Variants in C10orf67 observed in about 807,000 individuals in gnomAD.
C10orf67 encodes chromosome 10 open reading frame 67, also known as uncharacterized protein C10orf67, mitochondrial.
In C10orf67, 60 loss-of-function variants were observed where a neutral mutation model predicts 35.6. The observed-to-expected ratio is 1.68, with a 90% CI of 1.37 to 2.09. The LOEUF is 2.09. C10orf67 is among the 30% of genes most tolerant of loss of function. The pLI is 0.00. For synonymous variants in C10orf67, 167 were observed against 115.8 expected (o/e 1.44, Z -2.84); for missense variants, 474 against 330.2 (o/e 1.44, Z -3.38).
At chr10:23,306,135 T>C (rs1844267330) in intron 4 of C10orf67, among the ~76,000 whole-genome samples, 1 of 152,208 alleles carries the variant, frequency 6.6e-6, no homozygotes, top group Non-Finnish European at 1.5e-5. Context: ...GAAGACATTA[T>C]GCTAAGTGAA....
At chr10:23,323,803 T>C (rs956439544) in intron 2 of C10orf67, among the ~76,000 whole-genome samples, 1 of 145,298 alleles carries the variant, frequency 6.9e-6, no homozygotes, top group African/African-American at 2.5e-5. Flanking sequence ...TCCCAGCCAC[T>C]TGGGAGCTTG....
At chr10:23,227,565 A>G (rs1040129499) in intron 13 of C10orf67, among the ~76,000 whole-genome samples, 2 of 152,192 alleles carry the variant, frequency 1.3e-5, no homozygotes, top group African/African-American at 4.8e-5. Context: ...CCTATTCAAC[A>G]TAATGTTGGA....
At chr10:23,218,739 C>T (rs1013520333) in intron 15 of C10orf67, among the ~76,000 whole-genome samples, 12 of 152,260 alleles carry the variant, frequency 7.9e-5, no homozygotes, top group African/African-American at 2.6e-4. Flanking sequence ...CTGGTATTAA[C>T]TCACAATTCA....
chr10:23,272,959 T>C (rs1843071479), intron 8 of C10orf67, among the ~76,000 whole-genome samples: 1 of 152,238 alleles, frequency 6.6e-6, no homozygotes, highest in African/African-American at 2.4e-5. Flanking sequence ...CTATCATAAC[T>C]GGTGTTTTTC....
chr10:23,202,330 T>C (rs1039087161), downstream of C10orf67: 4 of 152,244 alleles, frequency 2.6e-5, no homozygotes, highest in African/African-American at 9.6e-5. Context: ...TGCTAAAGCA[T>C]GCGTCATTTT....
intron 4 of C10orf67, chr10:23,317,708 T>C (rs1379830553): frequency 1.3e-5 from 2 of 152,300 alleles, no homozygotes; most frequent in Admixed American, 6.5e-5. Context: ...TTTAGCAAGA[T>C]TTTTGGTTAC....
intron 13 of C10orf67, among the ~76,000 whole-genome samples, chr10:23,235,996 C>T (rs1842036204): frequency 6.6e-6 from 1 of 152,004 alleles, no homozygotes; most frequent in African/African-American, 2.4e-5. Flanking sequence ...AGCCTGTAAT[C>T]CCAGCACTTT....
chr10:23,275,312 G>A (rs973399938), intron 8 of C10orf67, among the ~76,000 whole-genome samples: 9 of 152,062 alleles, frequency 5.9e-5, no homozygotes, highest in Non-Finnish European at 7.4e-5. Flanking sequence ...TATCAAGATC[G>A]CATCTCTTAA....
intron 4 of C10orf67, among the ~76,000 whole-genome samples, chr10:23,311,723 A>AAAG (rs74778940): frequency 8.8e-4 from 133 of 151,138 alleles, no homozygotes; most frequent in Middle Eastern, 3.4e-3. Context: ...AAGAAAAAAA[A>AAAG]AAAGAAATTC....
At chr10:23,211,591 A>G (rs1249180830) in intron 15 of C10orf67, among the ~76,000 whole-genome samples, 2 of 152,186 alleles carry the variant, frequency 1.3e-5, no homozygotes, top group East Asian at 3.8e-4. Context: ...TGAAGATACA[A>G]CAGAGACTTT....
Position 23,344,681 on chromosome 10 carries a change from CA to C in C10orf67, c.93del (p.Phe31LeufsTer8). The C allele has an allele frequency of 6.3e-7, 1 of 1,578,704 alleles. No homozygotes were observed. The highest frequency in any genetic ancestry group is 8.6e-7 in the Non-Finnish European group (1 of 1,162,660). On this transcript the variant is annotated frameshift_variant, in exon 1 of 16. Transcript: ENST00000636213. LOFTEE classifies it high-confidence loss of function. ...GCTTTCATGGCCTCCCAGCGTGTGC[CA>C]AAGGTCCCCCTCAAGGAGGAGGAAA... ...HCFSSSLRGT[F>X]GTRWEAMKAK...
At chr10:23,270,746 C>T (rs968715531) in intron 8 of C10orf67, among the ~76,000 whole-genome samples, 1 of 152,258 alleles carries the variant, frequency 6.6e-6, no homozygotes, top group African/African-American at 2.4e-5. Context: ...TGTTCTAGCC[C>T]ACCAGTTCTA....
At chr10:23,305,966 C>CGT in intron 4 of C10orf67, among the ~76,000 whole-genome samples, 2 of 140,978 alleles carry the variant, frequency 1.4e-5, no homozygotes, top group Admixed American at 1.4e-4. Flanking sequence ...GTTACATACG[C>CGT]GCACACACAC....
chr10:23,261,885 T>C (rs1454215831), intron 10 of C10orf67, among the ~76,000 whole-genome samples: 1 of 152,124 alleles, frequency 6.6e-6, no homozygotes, highest in African/African-American at 2.4e-5. Context: ...AAGAGAGTGT[T>C]AAATGAAAAA....
chr10:23,257,476 C>T (rs1588622674), intron 10 of C10orf67, among the ~76,000 whole-genome samples: 3 of 152,118 alleles, frequency 2.0e-5, no homozygotes, highest in African/African-American at 7.2e-5. Flanking sequence ...GACCCCAGCT[C>T]CCACTCTAGT....
chr10:23,235,895 T>C (rs1268111035), intron 13 of C10orf67, among the ~76,000 whole-genome samples: 3 of 152,092 alleles, frequency 2.0e-5, no homozygotes, highest in Non-Finnish European at 2.9e-5. Context: ...GGTGGGTGGA[T>C]CACGAGGTCA....
intron 4 of C10orf67, among the ~76,000 whole-genome samples, chr10:23,306,477 T>C (rs1050886121): frequency 2.2e-5 from 3 of 136,198 alleles, no homozygotes; most frequent in Admixed American, 8.6e-5. Context: ...TGAGCCGAGA[T>C]AGCACCACTG....
At chr10:23,251,679 G>T (rs906337279) in intron 10 of C10orf67, among the ~76,000 whole-genome samples, 5 of 152,154 alleles carry the variant, frequency 3.3e-5, no homozygotes, top group African/African-American at 1.2e-4. Flanking sequence ...AGCATAGCCA[G>T]CATCAATATA....
downstream of C10orf67, chr10:23,202,143 C>T (rs1841046720): frequency 6.6e-6 from 1 of 152,282 alleles, no homozygotes. Context: ...CACCCATTCT[C>T]TTTCATCCCC....
Sources: gnomAD v4.1 joint callset for allele counts (sites outside exome capture counted in the v4.1 genomes callset) on GRCh38, gnomAD v4.1.1 for gene constraint, MANE v1.5 for transcripts, NCBI Gene and HGNC (gene_info 2026-07-23, HGNC 2026-07-21) for gene names.